Variants in DPP6 observed in about 807,000 individuals in gnomAD.
The protein encoded by DPP6 is dipeptidyl peptidase like 6.
A neutral mutation model predicts 122.6 loss-of-function variants in DPP6; 69 were observed. The ratio of observed to expected loss-of-function variants is 0.56; its 90% CI spans 0.46 to 0.69. The LOEUF is 0.69. DPP6 is among the 30% of genes least tolerant of loss of function. The pLI, the probability that DPP6 is intolerant of heterozygous loss-of-function variation, is 0.00. For missense variants in DPP6, 928 were observed against 1,116.9 expected (o/e 0.83, Z 2.41); for synonymous variants, 418 against 433.1 (o/e 0.97, Z 0.43).
At chr7:154,845,205 G>A (rs1476605528) in intron 16 of DPP6, among the ~76,000 whole-genome samples, 2 of 152,222 alleles carry the variant, frequency 1.3e-5, no homozygotes, top group Admixed American at 6.5e-5. Context: ...AGGTGGAGGG[G>A]ATGAGACATG....
intron 16 of DPP6, among the ~76,000 whole-genome samples, chr7:154,817,259 T>C (rs990931346): frequency 2.0e-5 from 3 of 152,136 alleles, no homozygotes; most frequent in Non-Finnish European, 2.9e-5. Flanking sequence ...CTGGCTGCAG[T>C]GCTATGGATG....
intron 1 of DPP6, among the ~76,000 whole-genome samples, chr7:154,279,577 G>A (rs1360572082): frequency 3.3e-5 from 5 of 152,156 alleles, no homozygotes; most frequent in Admixed American, 1.3e-4. Flanking sequence ...ATGTGAACGT[G>A]AGCCTTTCTT....
intron 1 of DPP6, among the ~76,000 whole-genome samples, chr7:153,895,728 GCACACACA>G (rs10599371): frequency 0.062 from 9,291 of 149,816 alleles, 335 homozygotes; most frequent in South Asian, 0.11. Flanking sequence ...GTGCATGCGT[GCACACACA>G]CACACACACA....
At chr7:153,976,898 C>T (rs1469923770) in intron 1 of DPP6, among the ~76,000 whole-genome samples, 1 of 152,180 alleles carries the variant, frequency 6.6e-6, no homozygotes, top group East Asian at 1.9e-4. Context: ...CATGCTCCAC[C>T]AGGAGAGCTC....
chr7:154,081,487 T>C (rs1427984450), intron 1 of DPP6, among the ~76,000 whole-genome samples: 2 of 137,004 alleles, frequency 1.5e-5, no homozygotes, highest in African/African-American at 5.4e-5. Context: ...AATGAGGACA[T>C]GTAGTCACCC....
At chr7:154,546,601 A>AT (rs1302589754) in intron 4 of DPP6, among the ~76,000 whole-genome samples, 1 of 152,068 alleles carries the variant, frequency 6.6e-6, no homozygotes, top group Non-Finnish European at 1.5e-5. Flanking sequence ...TAATGACTAA[A>AT]TTAACATCTA....
At chr7:154,879,454 G>T (rs1805170440) in intron 20 of DPP6, among the ~76,000 whole-genome samples, 2 of 135,430 alleles carry the variant, frequency 1.5e-5, no homozygotes, top group Non-Finnish European at 1.5e-5. Context: ...GCCGGGCGAG[G>T]TGGCGGGCAC....
chr7:154,239,934 G>A (rs575728532), intron 1 of DPP6, among the ~76,000 whole-genome samples: 5 of 137,258 alleles, frequency 3.6e-5, no homozygotes, highest in Admixed American at 1.6e-4. Context: ...GGAGGTTGCA[G>A]TAAGCCAAGA....
At chr7:154,430,368 A>G (rs1023341893) in intron 1 of DPP6, among the ~76,000 whole-genome samples, 3 of 152,204 alleles carry the variant, frequency 2.0e-5, no homozygotes, top group East Asian at 1.9e-4. Context: ...AGCAGCAGCA[A>G]TGTATTCCTT....
chr7:154,442,200 G>A (rs922862830), intron 1 of DPP6, among the ~76,000 whole-genome samples: 4 of 152,238 alleles, frequency 2.6e-5, no homozygotes, highest in African/African-American at 4.8e-5. Flanking sequence ...AGTTTTGTAC[G>A]AGACATTGAG....
intron 7 of DPP6, among the ~76,000 whole-genome samples, chr7:154,709,949 C>T (rs548951931): frequency 5.0e-4 from 76 of 152,214 alleles, no homozygotes; most frequent in Non-Finnish European, 9.0e-4. Context: ...GTGGACCAAG[C>T]ATACATTCCG....
intron 1 of DPP6, among the ~76,000 whole-genome samples, chr7:153,938,164 AGT>A (rs539214498): frequency 4.6e-5 from 7 of 152,218 alleles, no homozygotes; most frequent in Non-Finnish European, 1.0e-4. Flanking sequence ...GAACCTGAAA[AGT>A]GTGGCATTTT....
chr7:153,883,895 A>C (rs960021098), upstream of DPP6, among the ~76,000 whole-genome samples: 10 of 152,254 alleles, frequency 6.6e-5, no homozygotes, highest in African/African-American at 2.2e-4. Flanking sequence ...GGGCAGGAGG[A>C]GCAGAACACA....
At chr7:154,623,652 C>T (rs1834870964) in intron 5 of DPP6, among the ~76,000 whole-genome samples, 1 of 6,170 alleles carries the variant, frequency 1.6e-4, no homozygotes, top group Non-Finnish European at 3.5e-4. Flanking sequence ...CGCGCACACA[C>T]GCGCACACAC....
the DPP6 span, among the ~76,000 whole-genome samples, chr7:153,771,104 C>A: frequency 6.6e-6 from 1 of 152,068 alleles, no homozygotes; most frequent in Admixed American, 6.6e-5. Flanking sequence ...ATTAGAAAAA[C>A]CACACCATGG....
the DPP6 span, among the ~76,000 whole-genome samples, chr7:153,781,879 G>A: frequency 3.3e-5 from 5 of 151,464 alleles, no homozygotes; most frequent in Admixed American, 2.0e-4. Flanking sequence ...TGTTGTTACT[G>A]TTTTAAATCA....
At chr7:154,748,654 T>C (rs1737415996) in intron 8 of DPP6, among the ~76,000 whole-genome samples, 1 of 151,658 alleles carries the variant, frequency 6.6e-6, no homozygotes, top group Non-Finnish European at 1.5e-5. Context: ...GCCTCTGGAG[T>C]TTCTCGCGCA....
rs1314150274 is a variant in DPP6, at chr7:154,036,017, CGCTTGT to C, written c.51+148285_51+148290del. ...ATGAATGGCCAGGATTACGCGCGCG[CGCTTGT>C]GTGTGTGTGTGTGTGTGTGTGTGTA... On this transcript the variant is annotated intron_variant, in intron 1 of 25. Transcript: ENST00000404039. Among the ~76,000 whole-genome samples, 406 of 104,540 alleles carry C rather than the reference CGCTTGT, an allele frequency of 3.9e-3. 8 individuals carry two copies. Among genetic ancestry groups the C allele is most frequent in the African/African-American group, 0.017 (376 of 22,260 alleles). The allele number at this position is 104,540 out of a possible 152,430, so 68.6% of individuals were successfully genotyped here.
At chr7:154,373,176 T>TTG (rs1412278259) in intron 1 of DPP6, among the ~76,000 whole-genome samples, 1 of 152,226 alleles carries the variant, frequency 6.6e-6, no homozygotes, top group Non-Finnish European at 1.5e-5. Context: ...ATGGTCTTAG[T>TTG]TGTGTGCTTA....
Sources: gnomAD v4.1 joint callset for allele counts (sites outside exome capture counted in the v4.1 genomes callset) on GRCh38, gnomAD v4.1.1 for gene constraint, MANE v1.5 for transcripts, NCBI Gene and HGNC (gene_info 2026-07-23, HGNC 2026-07-21) for gene names.